NEBL: variants seen among roughly 807,000 people sequenced by gnomAD.
NEBL encodes nebulette.
Under a neutral mutation model 140.2 loss-of-function variants are expected in NEBL, and 122 were observed. The ratio of observed to expected loss-of-function variants is 0.87; its 90% CI spans 0.75 to 1.01. NEBL has a LOEUF of 1.01. Ranked by LOEUF, NEBL falls within the 50% of genes least tolerant of loss-of-function variation. The probability of loss-of-function intolerance (pLI) is 0.00; values close to 1 mark genes in which losing one functional copy is unlikely to be tolerated. For missense variants in NEBL, 1,365 were observed against 1,231.3 expected, an observed-to-expected ratio of 1.11 and a Z score of -1.62; for synonymous variants, 436 against 398.9, an observed-to-expected ratio of 1.09 and a Z score of -1.11.
chr10:21,220,305 G>A (rs1842050796), intron 3 of NEBL, among the ~76,000 whole-genome samples: 1 of 152,176 alleles, frequency 6.6e-6, no homozygotes, highest in African/African-American at 2.4e-5. Context: ...CAGACATATA[G>A]ACCAATGTAA....
chr10:21,090,532 C>T (rs1056234547), intron 2 of NEBL, among the ~76,000 whole-genome samples: 2 of 152,076 alleles, frequency 1.3e-5, no homozygotes, highest in Non-Finnish European at 2.9e-5. Context: ...GGAACCTACC[C>T]CCACAGATAT....
intron 4 of NEBL, among the ~76,000 whole-genome samples, chr10:20,905,163 C>T (rs1214438443): frequency 6.6e-6 from 1 of 152,034 alleles, no homozygotes; most frequent in Non-Finnish European, 1.5e-5. Flanking sequence ...TACACAAACA[C>T]ATGAAAAACT....
intron 2 of NEBL, among the ~76,000 whole-genome samples, chr10:21,155,398 A>G (rs1840301392): frequency 1.3e-5 from 2 of 152,058 alleles, no homozygotes; most frequent in South Asian, 2.1e-4. Context: ...TTTTTTTGGT[A>G]CCCATTAACA....
chr10:21,239,718 T>C (rs1842411834), intron 3 of NEBL, among the ~76,000 whole-genome samples: 1 of 152,028 alleles, frequency 6.6e-6, no homozygotes, highest in African/African-American at 2.4e-5. Flanking sequence ...GATTTTATTG[T>C]TAAAAAATGC....
chr10:21,105,828 C>G (rs1197621130), intron 2 of NEBL, among the ~76,000 whole-genome samples: 2 of 152,192 alleles, frequency 1.3e-5, no homozygotes, highest in African/African-American at 4.8e-5. Context: ...TCCTATTTCT[C>G]TACATCCTCT....
Position 20,825,283 on chromosome 10 carries a change from G to A in NEBL, c.1869+1164C>T, listed in dbSNP as rs552943911. Among the ~76,000 whole-genome samples the A allele has an allele frequency of 2.0e-5, 3 of 152,092 alleles. No individual in the cohort carries two copies. The East Asian group carries it at 5.8e-4, about 29-fold the overall frequency. On this transcript the variant is annotated intron_variant, in intron 18 of 27. Coordinates refer to ENST00000377122, the MANE Select transcript of NEBL (RefSeq NM_006393.3). ...TCTGCTTGGATTACTTAAAGGGAAG[G>A]TGCTCTTTCCAAGGATAAGGTGAAA...
intron 3 of NEBL, among the ~76,000 whole-genome samples, chr10:20,997,935 T>A (rs1837738252): frequency 6.6e-6 from 1 of 152,178 alleles, no homozygotes; most frequent in Non-Finnish European, 1.5e-5. Context: ...ATGAAAAGTT[T>A]ACTACATAAC....
In NEBL at chr10:21,033,169, G is replaced by A. The variant is rs548195838; in HGVS notation, c.165-12968C>T. ...TGATTTGTGCCCAGGAACACCAACC[G>A]GCACTGTTGATTACAGCCAAGAGAA... On this transcript the variant is annotated intron_variant, in intron 2 of 6. Transcript: ENST00000417816. Among the ~76,000 whole-genome samples, 6 of 152,224 alleles carry A rather than the reference G, an allele frequency of 3.9e-5. No homozygotes were observed. The East Asian group carries it at 5.8e-4, about 15-fold the overall frequency.
intron 2 of NEBL, among the ~76,000 whole-genome samples, chr10:21,069,674 G>A (rs1835726789): frequency 6.6e-6 from 1 of 152,180 alleles, no homozygotes; most frequent in South Asian, 2.1e-4. Context: ...AATGGTTCAT[G>A]TTACACATTT....
chr10:20,808,230 A>T lies in NEBL; in HGVS notation c.2761+280T>A, dbSNP rs73607518. Among the ~76,000 whole-genome samples, 1,978 of 152,226 alleles carry T rather than the reference A, an allele frequency of 0.013. 44 individuals are homozygous for T. The highest frequency in any genetic ancestry group is 0.043 in the African/African-American group (1,804 of 41,532). On this transcript the variant is annotated intron_variant, in intron 26 of 27. Coordinates refer to ENST00000377122, the MANE Select transcript of NEBL (RefSeq NM_006393.3). ...TTATCACATATAACTCCTGTGAAAC[A>T]GACTCAAGCAGCAAGTCTCAAGACC...
intron 3 of NEBL, among the ~76,000 whole-genome samples, chr10:20,967,672 G>C (rs1836382307): frequency 6.6e-6 from 1 of 151,976 alleles, no homozygotes; most frequent in Non-Finnish European, 1.5e-5. Context: ...ATGGTGGGAG[G>C]GGGCTTGATA....
chr10:20,958,171 AT>A (rs902117041), intron 4 of NEBL, among the ~76,000 whole-genome samples: 5 of 152,038 alleles, frequency 3.3e-5, no homozygotes, highest in African/African-American at 4.8e-5. Flanking sequence ...AGGGTGTTTC[AT>A]TTTTTTTAAT....
At chr10:21,043,129 A>C (rs1834344735) in intron 2 of NEBL, among the ~76,000 whole-genome samples, 1 of 152,328 alleles carries the variant, frequency 6.6e-6, no homozygotes, top group South Asian at 2.1e-4. Context: ...TTTCCCTCAT[A>C]TAGCACATTT....
At chr10:21,199,343 A>C (rs1841699285) in intron 3 of NEBL, among the ~76,000 whole-genome samples, 1 of 152,176 alleles carries the variant, frequency 6.6e-6, no homozygotes, top group Admixed American at 6.5e-5. Context: ...TGGAATAATT[A>C]ATTTTTTAAA....
At chr10:20,987,215 C>A (rs1015754735) in intron 3 of NEBL, among the ~76,000 whole-genome samples, 1 of 151,148 alleles carries the variant, frequency 6.6e-6, no homozygotes, top group African/African-American at 2.4e-5. Flanking sequence ...AAGACATTCA[C>A]ATATAGCATT....
At chr10:20,962,341 A>G (rs1836089913) in intron 3 of NEBL, among the ~76,000 whole-genome samples, 1 of 152,252 alleles carries the variant, frequency 6.6e-6, no homozygotes, top group Non-Finnish European at 1.5e-5. Context: ...AGGCCAACAT[A>G]TGGATACAAT....
intron 3 of NEBL, among the ~76,000 whole-genome samples, chr10:21,205,780 CATA>C (rs1158056814): frequency 2.6e-5 from 4 of 151,936 alleles, no homozygotes; most frequent in South Asian, 2.1e-4. Context: ...CAAATTTTTA[CATA>C]ATAATAATAA....
intron 26 of NEBL, among the ~76,000 whole-genome samples, chr10:20,795,951 A>G (rs1324253358): frequency 6.6e-6 from 1 of 152,230 alleles, no homozygotes; most frequent in Non-Finnish European, 1.5e-5. Flanking sequence ...AATGGATTAA[A>G]GATTCTTTAT....
chr10:20,815,517 C>T lies in NEBL; in HGVS notation c.2241+108G>A, dbSNP rs1191041193. ...ACACATGTACTTATTGGACACATCA[C>T]AAATGTTTCTTGAAAATAAGTTTTA... On this transcript the variant is annotated intron_variant, in intron 22 of 27. Coordinates refer to ENST00000377122, the MANE Select transcript of NEBL (RefSeq NM_006393.3). The T allele has an allele frequency of 4.4e-6, 4 of 914,496 alleles. No individual in the cohort carries two copies. The African/African-American group carries it at 4.9e-5, about 11-fold the overall frequency. 56.6% of individuals were successfully genotyped at this position (914,496 alleles called of 1,614,324 possible). A position where few individuals can be genotyped will look rare whatever the true frequency, so the allele number is the denominator to read the frequency against.
Sources: gnomAD v4.1 joint callset for allele counts (sites outside exome capture counted in the v4.1 genomes callset) on GRCh38, gnomAD v4.1.1 for gene constraint, MANE v1.5 for transcripts, NCBI Gene and HGNC (gene_info 2026-07-23, HGNC 2026-07-21) for gene names.